The following ME2 variants were observed in gnomAD, a reference collection of about 807,000 sequenced individuals.
ME2 encodes the protein malic enzyme 2.
A neutral mutation model predicts 73.7 loss-of-function variants in ME2; 60 were observed. That is an observed-to-expected ratio of 0.81 (90% CI 0.66 to 1.01). The LOEUF is 1.01. Among genes scored for constraint, ME2 ranks in the 50% least tolerant of loss-of-function variants. The probability of loss-of-function intolerance (pLI) is 0.00; values close to 1 mark genes in which losing one functional copy is unlikely to be tolerated. For synonymous variants in ME2, 199 were observed against 236.9 expected, an observed-to-expected ratio of 0.84 and a Z score of 1.47; for missense variants, 594 against 705.5, an observed-to-expected ratio of 0.84 and a Z score of 1.79.
At chr18:50,918,695 CCTTT>C (rs1450577934) in intron 7 of ME2, among the ~76,000 whole-genome samples, 1 of 141,976 alleles carries the variant, frequency 7.0e-6, no homozygotes, top group Non-Finnish European at 1.5e-5. Context: ...CTTTCTCCCA[CCTTT>C]CTCTTTTTTT....
At chr18:50,890,191 C>T (rs1916571382) in intron 1 of ME2, among the ~76,000 whole-genome samples, 1 of 152,086 alleles carries the variant, frequency 6.6e-6, no homozygotes, top group Non-Finnish European at 1.5e-5. Flanking sequence ...ACTCAAAAGG[C>T]AAACTATAAT....
Position 50,952,521 on chromosome 18 carries a change from G to T in ME2, c.*5337G>T, listed in dbSNP as rs1213453029. The T allele has an allele frequency of 6.6e-6, 1 of 152,174 alleles. No homozygotes were observed. Among genetic ancestry groups the T allele is most frequent in the Non-Finnish European group, 1.5e-5 (1 of 68,020 alleles). 9.4% of individuals were successfully genotyped at this position (152,174 alleles called of 1,614,324 possible). On this transcript the variant is annotated 3_prime_UTR_variant, in exon 16 of 16. Coordinates refer to ENST00000321341, the MANE Select transcript of ME2 (RefSeq NM_002396.5). ...AAGTCAAGTGATTTGAATGCTTAGT[G>T]TCTTTTGGTAAACAGCATTTTGTCA...
At chr18:50,931,637 A>G (rs1015504083) in intron 12 of ME2, among the ~76,000 whole-genome samples, 2 of 150,100 alleles carry the variant, frequency 1.3e-5, no homozygotes, top group African/African-American at 4.9e-5. Flanking sequence ...ATGGAATGGT[A>G]TTTATTGGCC....
intron 15 of ME2, 50 bp from the exon 16 acceptor site, chr18:50,946,967 C>A: frequency 7.4e-7 from 1 of 1,350,068 alleles, no homozygotes; most frequent in Non-Finnish European, 1.1e-6. Context: ...CGTTGTCTCT[C>A]TAATAGGTTA....
intron 2 of ME2, among the ~76,000 whole-genome samples, chr18:50,902,136 C>T (rs1916905853): frequency 6.6e-6 from 1 of 152,146 alleles, no homozygotes; most frequent in Non-Finnish European, 1.5e-5. Context: ...AAACCATTAA[C>T]TTAATTCGAG....
intron 3 of ME2, among the ~76,000 whole-genome samples, chr18:50,908,865 TC>T (rs1917079973): frequency 6.6e-6 from 1 of 151,966 alleles, no homozygotes; most frequent in Non-Finnish European, 1.5e-5. Context: ...GGTGTCAAAT[TC>T]CTGACCTCAG....
intron 10 of ME2, among the ~76,000 whole-genome samples, chr18:50,923,613 A>G (rs188264698): frequency 7.9e-4 from 120 of 152,166 alleles, no homozygotes; most frequent in African/African-American, 2.6e-3. Context: ...TCATCCGGGC[A>G]TGGTGGTGTG....
intron 11 of ME2, among the ~76,000 whole-genome samples, chr18:50,925,393 C>T (rs953345710): frequency 6.6e-6 from 1 of 152,172 alleles, no homozygotes; most frequent in Admixed American, 6.5e-5. Context: ...GCACGAGAAT[C>T]ACTTGAACCC....
At chr18:50,884,025 C>T (rs1287427170) in intron 1 of ME2, among the ~76,000 whole-genome samples, 2 of 152,132 alleles carry the variant, frequency 1.3e-5, no homozygotes, top group Admixed American at 6.5e-5. Context: ...GTGTTTTCCT[C>T]GTTCTGTCTT....
At chr18:50,901,473 G>C (rs1397246467) in intron 2 of ME2, among the ~76,000 whole-genome samples, 1 of 152,136 alleles carries the variant, frequency 6.6e-6, no homozygotes, top group Non-Finnish European at 1.5e-5. Context: ...TAAATATTTG[G>C]TTGAATCAGA....
rs556241439 is a variant in ME2 at position 50,908,923 on chromosome 18, G to A, written c.242+727G>A. 2.7e-5 allele frequency among the ~76,000 whole-genome samples: 4 copies of A among 150,546 alleles called. No homozygotes were observed. In the South Asian group the frequency reaches 8.4e-4, roughly 32 times the overall value. ...CCCAAAGTGCTGGGATTATAGGCAT[G>A]AGCCACTGCGCCTGGACTTTTTCTT... is the stretch of plus-strand genomic sequence containing the variant. On this transcript the variant is annotated intron_variant, in intron 3 of 15. Transcript: ENST00000321341.
At chr18:50,918,321 A>G in intron 7 of ME2, 108 bp downstream of exon 7, 1 of 601,624 alleles carries the variant, frequency 1.7e-6, no homozygotes, top group Non-Finnish European at 2.8e-6. Context: ...GTAGATAAGC[A>G]GGAGGCGATT....
rs1918205331 is a variant in ME2, at chr18:50,950,617, T to A, written c.*3433T>A. On this transcript the variant is annotated 3_prime_UTR_variant, in exon 16 of 16. Transcript: ENST00000321341. ...CTCCCGCCTCAGCCTCCTGAGTAGC[T>A]GGGACTATAGGCGCAAGTCTATGCA... 1 of 151,870 alleles carries A rather than the reference T, an allele frequency of 6.6e-6. No individual in the cohort carries two copies. The highest frequency in any genetic ancestry group is 1.5e-5 in the Non-Finnish European group (1 of 68,016). The allele number at this position is 151,870 out of a possible 1,614,324, so 9.4% of individuals were successfully genotyped here. A position where few individuals can be genotyped will look rare whatever the true frequency, so the allele number is the denominator to read the frequency against.
At chr18:50,923,309 G>A (rs1269420301) in intron 10 of ME2, among the ~76,000 whole-genome samples, 4 of 150,046 alleles carry the variant, frequency 2.7e-5, no homozygotes, top group South Asian at 2.1e-4. Flanking sequence ...ACCTAGAAGC[G>A]AAACCTGACT....
chr18:50,907,942 C>T (rs1023830294), intron 2 of ME2, 121 bp from the exon 3 acceptor site: 28 of 717,288 alleles, frequency 3.9e-5, no homozygotes, highest in Non-Finnish European at 5.7e-5. Flanking sequence ...GTTTTGAAAG[C>T]CTGGGCAAAA....
chr18:50,935,156 C>T (rs950093839), intron 13 of ME2: 19 of 151,830 alleles, frequency 1.3e-4, no homozygotes, highest in Admixed American at 1.1e-3. Flanking sequence ...CGGAAGCAAA[C>T]AAAAATTTCT....
At chr18:50,933,221 AG>A (rs995409789) in intron 13 of ME2, 1 of 152,078 alleles carries the variant, frequency 6.6e-6, no homozygotes, top group Non-Finnish European at 1.5e-5. Context: ...AGTGATCCTC[AG>A]TTGTCTCTTT....
chr18:50,879,611 G>C (rs1916263853), intron 1 of ME2, among the ~76,000 whole-genome samples: 2 of 152,238 alleles, frequency 1.3e-5, no homozygotes, highest in African/African-American at 2.4e-5. Flanking sequence ...TCGCCCGGGA[G>C]CGAGGCCCTG....
rs1918265219 is a variant in ME2 at position 50,953,463 on chromosome 18, T to G, written c.*6279T>G. 1 of 152,246 alleles carries G rather than the reference T, an allele frequency of 6.6e-6. No homozygotes were observed. The highest frequency in any genetic ancestry group is 2.4e-5 in the African/African-American group (1 of 41,470). 9.4% of individuals were successfully genotyped at this position (152,246 alleles called of 1,614,324 possible). ...TCCCATTTATAATTCAAATATAATA[T>G]AAACGTCTTATTCATTTAGTCTTCA... On this transcript the variant is annotated 3_prime_UTR_variant, in exon 16 of 16. Coordinates refer to ENST00000321341, the MANE Select transcript of ME2 (RefSeq NM_002396.5).
Sources: allele counts gnomAD v4.1 joint callset (sites outside exome capture counted in the v4.1 genomes callset), GRCh38; gene constraint gnomAD v4.1.1; transcripts MANE v1.5; gene names NCBI Gene and HGNC (gene_info 2026-07-23, HGNC 2026-07-21).